GALNT17: variants seen among roughly 807,000 people sequenced by gnomAD.
GALNT17 encodes the protein UDP-GalNAc:polypeptide N-acetylgalactosaminyltransferase-like 3.
GALNT17 carries 29 observed loss-of-function variants against 63.7 expected under a neutral mutation model. The ratio of observed to expected loss-of-function variants is 0.46; its 90% CI spans 0.34 to 0.62. The LOEUF (loss-of-function observed/expected upper bound fraction) is 0.62. Among genes scored for constraint, GALNT17 ranks in the 20% least tolerant of loss-of-function variants. The pLI, the probability that GALNT17 is intolerant of heterozygous loss-of-function variation, is 0.01. For synonymous variants in GALNT17, 305 were observed against 318.3 expected, an observed-to-expected ratio of 0.96 and a Z score of 0.45; for missense variants, 603 against 799.6, an observed-to-expected ratio of 0.75 and a Z score of 2.97.
chr7:71,532,639 C>T (rs1339211672), intron 5 of GALNT17, among the ~76,000 whole-genome samples: 4 of 152,144 alleles, frequency 2.6e-5, no homozygotes, highest in Non-Finnish European at 2.9e-5. Context: ...TAATTGGTCT[C>T]TTTCCTCATT....
chr7:71,615,382 G>A (rs1790186071), intron 6 of GALNT17, among the ~76,000 whole-genome samples: 1 of 151,872 alleles, frequency 6.6e-6, no homozygotes, highest in Non-Finnish European at 1.5e-5. Context: ...CTGAGATCAT[G>A]GGCCCCAGAT....
intron 1 of GALNT17, among the ~76,000 whole-genome samples, chr7:71,178,419 C>T (rs940989899): frequency 6.6e-6 from 1 of 151,978 alleles, no homozygotes; most frequent in Non-Finnish European, 1.5e-5. Flanking sequence ...TTTCTTGAAT[C>T]TATATTTTTG....
At chr7:71,414,681 G>A (rs554531370) in intron 3 of GALNT17, among the ~76,000 whole-genome samples, 247 of 152,322 alleles carry the variant, frequency 1.6e-3, no homozygotes, top group Middle Eastern at 3.4e-3. Context: ...CTAAGTTGCA[G>A]GTCACGTGGC....
intron 5 of GALNT17, among the ~76,000 whole-genome samples, chr7:71,529,809 T>C (rs921822825): frequency 6.6e-6 from 1 of 152,248 alleles, no homozygotes. Context: ...ATTAATAACC[T>C]GTGAATTTTA....
At chr7:71,325,808 C>T (rs1791695692) in intron 1 of GALNT17, among the ~76,000 whole-genome samples, 1 of 152,048 alleles carries the variant, frequency 6.6e-6, no homozygotes, top group African/African-American at 2.4e-5. Context: ...CACAAGATGT[C>T]GTGCAAAAAT....
chr7:71,466,400 A>G (rs1211809910), intron 5 of GALNT17, among the ~76,000 whole-genome samples: 1 of 152,190 alleles, frequency 6.6e-6, no homozygotes, highest in Non-Finnish European at 1.5e-5. Flanking sequence ...GCAATAAGGT[A>G]CCAACTTCCA....
chr7:71,533,160 C>A (rs2116785566), intron 5 of GALNT17, among the ~76,000 whole-genome samples: 1 of 152,262 alleles, frequency 6.6e-6, no homozygotes, highest in Non-Finnish European at 1.5e-5. Flanking sequence ...GGAACCAACA[C>A]AAGTTAGTAA....
intron 1 of GALNT17, among the ~76,000 whole-genome samples, chr7:71,316,315 G>A (rs1158667351): frequency 7.0e-6 from 1 of 142,898 alleles, no homozygotes; most frequent in African/African-American, 2.5e-5. Context: ...GAACAGGGTG[G>A]GCTGGGTCTT....
chr7:71,424,099 C>T (rs1374855814), intron 5 of GALNT17, among the ~76,000 whole-genome samples: 2 of 152,210 alleles, frequency 1.3e-5, no homozygotes, highest in Non-Finnish European at 2.9e-5. Context: ...ACCAACTGTT[C>T]ATCATGCAGT....
At chr7:71,502,620 A>T (rs573717783) in intron 5 of GALNT17, among the ~76,000 whole-genome samples, 3 of 152,278 alleles carry the variant, frequency 2.0e-5, no homozygotes, top group African/African-American at 7.2e-5. Flanking sequence ...GACACAGAAA[A>T]TGATGCCCAA....
In GALNT17 at chr7:71,272,011, G is replaced by A. The variant is rs183455951; in HGVS notation, c.239-63539G>A. On this transcript the variant is annotated intron_variant, in intron 1 of 10. Coordinates refer to ENST00000333538, the MANE Select transcript of GALNT17 (RefSeq NM_022479.3). Reference sequence around the variant, plus strand: ...TGGGCTCAAGCAGTCCTCCTGCCTCGGCCTCCCAAAGTGTTGGGATTACAG... The same window carrying A: ...TGGGCTCAAGCAGTCCTCCTGCCTCAGCCTCCCAAAGTGTTGGGATTACAG... Among the ~76,000 whole-genome samples, 96 of 152,190 alleles carry A rather than the reference G, an allele frequency of 6.3e-4. No individual in the cohort carries two copies. The East Asian group carries it at 0.016, about 25-fold the overall frequency.
chr7:71,263,717 A>G (rs1790432178), intron 1 of GALNT17, among the ~76,000 whole-genome samples: 1 of 151,856 alleles, frequency 6.6e-6, no homozygotes, highest in African/African-American at 2.4e-5. Flanking sequence ...AGGTCAGGAG[A>G]TCGAGACCAT....
At chr7:71,707,394 T>G (rs1024142780) in intron 9 of GALNT17, among the ~76,000 whole-genome samples, 3 of 152,188 alleles carry the variant, frequency 2.0e-5, no homozygotes, top group Admixed American at 2.0e-4. Context: ...CAATATAATT[T>G]TCCTTCCCCA....
chr7:71,556,963 C>A (rs1165443010), intron 5 of GALNT17, among the ~76,000 whole-genome samples: 1 of 151,312 alleles, frequency 6.6e-6, no homozygotes, highest in Non-Finnish European at 1.5e-5. Flanking sequence ...TCTCTGTGGC[C>A]CAGGCTGTAG....
intron 1 of GALNT17, among the ~76,000 whole-genome samples, chr7:71,231,820 C>T (rs901702607): frequency 6.6e-6 from 1 of 151,728 alleles, no homozygotes; most frequent in Non-Finnish European, 1.5e-5. Context: ...TATAAGGGCA[C>T]TAATCCCATT....
chr7:71,667,032 A>G (rs1249396899), intron 7 of GALNT17, among the ~76,000 whole-genome samples: 1 of 152,220 alleles, frequency 6.6e-6, no homozygotes, highest in African/African-American at 2.4e-5. Context: ...CACAGAGTGC[A>G]TTGTTCGTCC....
intron 2 of GALNT17, among the ~76,000 whole-genome samples, chr7:71,369,453 G>A (rs547072583): frequency 2.0e-5 from 3 of 152,246 alleles, no homozygotes; most frequent in East Asian, 1.9e-4. Context: ...CTCCAAGTTC[G>A]TAGGAGATCT....
At position 71,701,520 on chromosome 7, in the gene GALNT17, C is replaced by G. The variant is rs1053808775; in HGVS notation, c.1501-9241C>G. On this transcript the variant is annotated intron_variant, in intron 9 of 10. Transcript: ENST00000333538. The stretch of plus-strand genomic sequence containing the variant: ...AAAAAAAAAGAATATGACATTTAAG[C>G]AGAAACTTGAAAGAGGTGAGAGAGT... Among the ~76,000 whole-genome samples the G allele has an allele frequency of 3.3e-5, 5 of 151,276 alleles. No homozygotes were observed. The East Asian group carries it at 7.8e-4, about 24-fold the overall frequency.
At chr7:71,645,063 A>G (rs1474751585) in intron 6 of GALNT17, among the ~76,000 whole-genome samples, 1 of 152,166 alleles carries the variant, frequency 6.6e-6, no homozygotes, top group African/African-American at 2.4e-5. Context: ...GTTGTGCTTT[A>G]CTTAGACCCA....
Sources: gnomAD v4.1 joint callset for allele counts (sites outside exome capture counted in the v4.1 genomes callset) on GRCh38, gnomAD v4.1.1 for gene constraint, MANE v1.5 for transcripts, NCBI Gene and HGNC (gene_info 2026-07-23, HGNC 2026-07-21) for gene names.